The following SRL variants were observed in gnomAD, a reference collection of about 807,000 sequenced individuals.
The protein encoded by SRL is sarcalumenin.
In SRL, 23 loss-of-function variants were observed where a neutral mutation model predicts 39.5. That is an observed-to-expected ratio of 0.58 (90% CI 0.42 to 0.82). SRL has a LOEUF of 0.82. SRL is among the 40% of genes least tolerant of loss of function. The probability of loss-of-function intolerance (pLI) is 0.00; values close to 1 mark genes in which losing one functional copy is unlikely to be tolerated. For synonymous variants in SRL, 272 were observed against 237.4 expected (o/e 1.15, Z -1.34); for missense variants, 592 against 607.8 (o/e 0.97, Z 0.27).
chr16:4,232,060 C>T (rs1405764614), intron 1 of SRL, among the ~76,000 whole-genome samples: 3 of 152,300 alleles, frequency 2.0e-5, no homozygotes, highest in Admixed American at 6.5e-5. Context: ...CCGGTGCTCC[C>T]GCTGGGCCCC....
chr16:4,193,642 T>C (rs2052096851), intron 5 of SRL, among the ~76,000 whole-genome samples: 1 of 152,202 alleles, frequency 6.6e-6, no homozygotes, highest in South Asian at 2.1e-4. Context: ...TGAACTGATA[T>C]AAAGATTACC....
Position 4,190,013 on chromosome 16 carries a change from T to C in SRL, c.*2140A>G, listed in dbSNP as rs1432672017. 3 of 357,296 alleles carry C rather than the reference T, an allele frequency of 8.4e-6. No individual in the cohort carries two copies. The highest frequency in any genetic ancestry group is 1.5e-5 in the Non-Finnish European group (3 of 200,318). The allele number at this position is 357,296 out of a possible 1,614,324, so 22.1% of individuals were successfully genotyped here. On this transcript the variant is annotated 3_prime_UTR_variant, in exon 6 of 6. Coordinates refer to ENST00000399609, the MANE Select transcript of SRL (RefSeq NM_001098814.2). ...GAAGAAAAGTCCAGGACAGATTCCA[T>C]CTCATCAGCCCCTATCACAGGCTCC...
chr16:4,223,998 G>A (rs946980444), intron 1 of SRL, among the ~76,000 whole-genome samples: 2 of 152,148 alleles, frequency 1.3e-5, no homozygotes, highest in Admixed American at 1.3e-4. Context: ...CCTGGGAGGA[G>A]AAAGAAGAGA....
At chr16:4,193,767 G>C (rs2052098021) in intron 5 of SRL, among the ~76,000 whole-genome samples, 1 of 151,590 alleles carries the variant, frequency 6.6e-6, no homozygotes, top group East Asian at 1.9e-4. Context: ...TAAGAAAACT[G>C]AGGAGATGAG....
chr16:4,203,123 C>T (rs745611734), intron 3 of SRL, 43 bp downstream of exon 3: 47 of 1,572,554 alleles, frequency 3.0e-5, no homozygotes, highest in South Asian at 7.8e-5. Flanking sequence ...AGGCCTGCGC[C>T]GTACCCGTAA....
chr16:4,191,519 G>C lies in SRL; in HGVS notation c.*634C>G, dbSNP rs947293011. 6.6e-6 allele frequency: 1 copy of C among 152,526 alleles called. No individual in the cohort carries two copies. Among genetic ancestry groups the C allele is most frequent in the African/African-American group, 2.4e-5 (1 of 41,440 alleles). 9.4% of individuals were successfully genotyped at this position (152,526 alleles called of 1,614,324 possible). On this transcript the variant is annotated 3_prime_UTR_variant, in exon 6 of 6. Transcript: ENST00000399609. ...TCAGCTACTCAGGAGGCTGAGGCAG[G>C]AGAATCGCTTGAACCCAGGAGGGGG...
intron 3 of SRL, among the ~76,000 whole-genome samples, chr16:4,199,394 C>A (rs1303949852): frequency 2.2e-5 from 2 of 89,498 alleles, no homozygotes; most frequent in Non-Finnish European, 4.2e-5. Context: ...TTTTTTGAGA[C>A]AGTGTCTCAC....
At chr16:4,228,456 C>G (rs1397637658) in intron 1 of SRL, among the ~76,000 whole-genome samples, 1 of 151,630 alleles carries the variant, frequency 6.6e-6, no homozygotes. Flanking sequence ...AACAAAAAGG[C>G]TGGACGCAGT....
intron 1 of SRL, among the ~76,000 whole-genome samples, chr16:4,223,140 G>T (rs561997589): frequency 6.6e-6 from 1 of 150,966 alleles, no homozygotes; most frequent in African/African-American, 2.4e-5. Flanking sequence ...GCTGAGGCAG[G>T]AGAATGGCAT....
intron 1 of SRL, among the ~76,000 whole-genome samples, chr16:4,237,948 T>G (rs2052730693): frequency 6.6e-6 from 1 of 152,122 alleles, no homozygotes; most frequent in African/African-American, 2.4e-5. Context: ...TTGACTAGAT[T>G]CAGCTACGTG....
intron 4 of SRL, among the ~76,000 whole-genome samples, chr16:4,197,568 C>A (rs994461729): frequency 4.0e-5 from 6 of 151,598 alleles, no homozygotes; most frequent in African/African-American, 1.5e-4. Flanking sequence ...ATTACAGGAA[C>A]GTGTCACCAT....
rs1215933270 is a variant in SRL, at chr16:4,197,914, A to G, written c.261T>C (p.Asp87=). The stretch of plus-strand genomic sequence containing the variant: ...CCATGGGCTTGGAGGTAATCTCTCC[A>G]TCTGTGGGCAACAGGAAGTAGAAAT... ...YNELRQHEIT[D]GEITSKPMVL... is the part of the protein sequence containing the mutation. Residue 87 remains aspartate (D), a splice_region_variant and synonymous_variant, in exon 4 of 6, where the codon GAT becomes GAC. Transcript: ENST00000399609. 1 of 1,600,050 alleles carries G rather than the reference A, an allele frequency of 6.2e-7. No homozygotes were observed. Among genetic ancestry groups the G allele is most frequent in the African/African-American group, 1.3e-5 (1 of 74,660 alleles).
chr16:4,213,945 G>C (rs2052424754), intron 1 of SRL, among the ~76,000 whole-genome samples: 1 of 152,222 alleles, frequency 6.6e-6, no homozygotes, highest in Non-Finnish European at 1.5e-5. Flanking sequence ...CTGGAACTCA[G>C]GCCAAGAGAC....
At position 4,191,917 on chromosome 16, in the gene SRL, T is replaced by C. The variant is rs975177328; in HGVS notation, c.*236A>G. On this transcript the variant is annotated 3_prime_UTR_variant, in exon 6 of 6. Coordinates refer to ENST00000399609, the MANE Select transcript of SRL (RefSeq NM_001098814.2). ...CAGGAAAAGCAGGTGGAGGCTGACT[T>C]GCCTCAATCAGGCCTCCTCATTGAA... 9 of 458,208 alleles carry C rather than the reference T, an allele frequency of 2.0e-5. No homozygotes were observed. Among genetic ancestry groups the C allele is most frequent in the Middle Eastern group, 1.1e-3 (2 of 1,782 alleles). The allele number at this position is 458,208 out of a possible 1,614,324, so 28.4% of individuals were successfully genotyped here.
chr16:4,227,594 G>C (rs1410011560), intron 1 of SRL, among the ~76,000 whole-genome samples: 1 of 152,158 alleles, frequency 6.6e-6, no homozygotes, highest in Non-Finnish European at 1.5e-5. Flanking sequence ...TGGAAGGATG[G>C]ATGAATGGAT....
intron 3 of SRL, among the ~76,000 whole-genome samples, chr16:4,199,364 C>CT (rs71139622): frequency 0.22 from 18,466 of 84,374 alleles, 2,540 homozygotes; most frequent in Non-Finnish European, 0.26. Context: ...TATTCCCCAT[C>CT]TTTTTTTTTT....
At chr16:4,236,003 A>G (rs1277361514) in intron 1 of SRL, among the ~76,000 whole-genome samples, 1 of 152,184 alleles carries the variant, frequency 6.6e-6, no homozygotes, top group East Asian at 1.9e-4. Flanking sequence ...TGAGCCCAGG[A>G]GGTGGAGACT....
At chr16:4,199,872 T>C (rs1453405909) in intron 3 of SRL, among the ~76,000 whole-genome samples, 1 of 151,710 alleles carries the variant, frequency 6.6e-6, no homozygotes, top group Non-Finnish European at 1.5e-5. Context: ...AATTTTTGTA[T>C]TTTTAGTAGA....
intron 5 of SRL, among the ~76,000 whole-genome samples, chr16:4,195,309 A>C (rs2052120969): frequency 6.6e-6 from 1 of 151,844 alleles, no homozygotes; most frequent in Admixed American, 6.6e-5. Flanking sequence ...CAATCTTCCC[A>C]CCTCAGCCTC....
Sources: gnomAD v4.1 joint callset for allele counts (sites outside exome capture counted in the v4.1 genomes callset) on GRCh38, gnomAD v4.1.1 for gene constraint, MANE v1.5 for transcripts, NCBI Gene and HGNC (gene_info 2026-07-23, HGNC 2026-07-21) for gene names.